The following ROBO2 variants were observed in gnomAD, a reference collection of about 807,000 sequenced individuals.
ROBO2 encodes roundabout homolog 2.
In ROBO2, 53 loss-of-function variants were observed where a neutral mutation model predicts 160.8. The observed-to-expected ratio is 0.33, with a 90% confidence interval of 0.26 to 0.41. The LOEUF is 0.41. Among genes scored for constraint, ROBO2 ranks in the 10% least tolerant of loss-of-function variants. The pLI, the probability that ROBO2 is intolerant of heterozygous loss-of-function variation, is 1.00. For missense variants in ROBO2, 1,577 were observed against 1,722.4 expected (o/e 0.92, Z 1.49); for synonymous variants, 664 against 611.7 (o/e 1.09, Z -1.26).
intron 2 of ROBO2, among the ~76,000 whole-genome samples, chr3:76,141,286 A>T (rs2106763820): frequency 6.8e-6 from 1 of 146,900 alleles, no homozygotes; most frequent in South Asian, 2.1e-4. Context: ...AGCCAATTTG[A>T]ATCTTAAAAA....
chr3:77,185,190 A>G (rs1435173753), intron 2 of ROBO2, among the ~76,000 whole-genome samples: 1 of 152,006 alleles, frequency 6.6e-6, no homozygotes, highest in Non-Finnish European at 1.5e-5. Context: ...TTGAAAGATA[A>G]TGACTTCATT....
intron 2 of ROBO2, among the ~76,000 whole-genome samples, chr3:77,199,563 A>G (rs760331756): frequency 3.0e-4 from 46 of 151,108 alleles, no homozygotes; most frequent in Non-Finnish European, 5.3e-4. Flanking sequence ...TGATTCATCT[A>G]TTCATAGCGG....
chr3:77,057,802 C>G (rs1023562654), intron 1 of ROBO2, among the ~76,000 whole-genome samples: 2 of 151,822 alleles, frequency 1.3e-5, no homozygotes, highest in African/African-American at 4.8e-5. Flanking sequence ...ATCTCCTGAC[C>G]TCGTGATCCA....
At chr3:77,612,919 C>A (rs1328514055) in intron 21 of ROBO2, among the ~76,000 whole-genome samples, 1 of 151,818 alleles carries the variant, frequency 6.6e-6, no homozygotes, top group African/African-American at 2.4e-5. Flanking sequence ...CGCCACTGCA[C>A]TCCAGCCTGG....
At chr3:76,452,853 T>G (rs545339458) in intron 2 of ROBO2, among the ~76,000 whole-genome samples, 2,729 of 152,174 alleles carry the variant, frequency 0.018, 51 homozygotes, top group African/African-American at 0.062. Context: ...CCTGACTTTT[T>G]AATGATCGCC....
At position 77,293,208 on chromosome 3, in the gene ROBO2, C is replaced by T. The variant is rs373219480; in HGVS notation, c.389-184206C>T. 1.8e-4 allele frequency among the ~76,000 whole-genome samples: 25 copies of T among 139,394 alleles called. No individual in the cohort carries two copies. In the East Asian group the frequency reaches 2.0e-3, roughly 11 times the overall value. The allele number at this position is 139,394 out of a possible 152,430, so 91.4% of individuals were successfully genotyped here. The stretch of plus-strand genomic sequence containing the variant: ...ACATAAAGTAAAATTGACGGTTAAA[C>T]GGGTAAGCTGAGGCTAGATCACCCC... On this transcript the variant is annotated intron_variant, in intron 2 of 25. Coordinates refer to ENST00000461745, the Ensembl canonical transcript of ROBO2.
chr3:76,769,856 A>T (rs2061782882), intron 2 of ROBO2, among the ~76,000 whole-genome samples: 1 of 151,370 alleles, frequency 6.6e-6, no homozygotes, highest in Non-Finnish European at 1.5e-5. Flanking sequence ...TTGATAATTT[A>T]TTCTTGCTCA....
At chr3:76,243,878 C>T (rs1705455729) in intron 2 of ROBO2, among the ~76,000 whole-genome samples, 1 of 152,038 alleles carries the variant, frequency 6.6e-6, no homozygotes, top group Non-Finnish European at 1.5e-5. Flanking sequence ...TTTATTCATA[C>T]AGTATAGTTC....
chr3:76,712,767 A>C (rs1560427319), intron 2 of ROBO2, among the ~76,000 whole-genome samples: 1 of 151,996 alleles, frequency 6.6e-6, no homozygotes, highest in African/African-American at 2.4e-5. Context: ...CTATAAAATC[A>C]TTTTCGCCAG....
intron 2 of ROBO2, among the ~76,000 whole-genome samples, chr3:76,869,214 TA>T (rs2071707164): frequency 6.6e-6 from 1 of 152,152 alleles, no homozygotes; most frequent in Non-Finnish European, 1.5e-5. Flanking sequence ...AACCATTGGG[TA>T]AACTACCTCT....
In ROBO2 at chr3:76,191,353, G is replaced by A. The variant is rs376031765; in HGVS notation, c.109+253751G>A. 8.6e-5 allele frequency among the ~76,000 whole-genome samples: 13 copies of A among 151,880 alleles called. No homozygotes were observed. In the East Asian group the frequency reaches 1.8e-3, roughly 20 times the overall value. ...TCTCAATGACAGGTTTATTCTCAAC[G>A]ACAGCTGACCTACACCAGGTAAATA... is the stretch of plus-strand genomic sequence containing the variant. On this transcript the variant is annotated intron_variant, in intron 2 of 26. Coordinates refer to the ROBO2 transcript ENST00000487694.
intron 2 of ROBO2, among the ~76,000 whole-genome samples, chr3:76,958,732 C>G (rs2079453129): frequency 6.6e-6 from 1 of 152,132 alleles, no homozygotes; most frequent in South Asian, 2.1e-4. Context: ...CAGGTTTTGT[C>G]CACATGGTCA....
intron 2 of ROBO2, among the ~76,000 whole-genome samples, chr3:76,404,102 A>G (rs1275137288): frequency 6.6e-6 from 1 of 151,660 alleles, no homozygotes; most frequent in East Asian, 1.9e-4. Flanking sequence ...CACATATGCA[A>G]TGCTTAATTT....
chr3:76,105,038 AAGCAAGAGACCT>A (rs1249858895), intron 2 of ROBO2, among the ~76,000 whole-genome samples: 1 of 152,168 alleles, frequency 6.6e-6, no homozygotes. Context: ...GTAAAGAGAA[AAGCAAGAGACCT>A]AGCCTTTAGG....
intron 2 of ROBO2, among the ~76,000 whole-genome samples, chr3:76,133,047 G>C (rs1469348710): frequency 1.3e-5 from 2 of 151,998 alleles, no homozygotes; most frequent in Non-Finnish European, 2.9e-5. Flanking sequence ...TTCTATATTT[G>C]TCAAATATAT....
intron 2 of ROBO2, among the ~76,000 whole-genome samples, chr3:76,786,627 G>C (rs915495912): frequency 1.3e-5 from 2 of 151,270 alleles, no homozygotes; most frequent in Non-Finnish European, 3.0e-5. Context: ...CAACATTGCG[G>C]ATTACAATAA....
At chr3:76,105,596 A>C (rs924309199) in intron 2 of ROBO2, among the ~76,000 whole-genome samples, 1 of 152,154 alleles carries the variant, frequency 6.6e-6, no homozygotes, top group Non-Finnish European at 1.5e-5. Context: ...AGTCAGGTGG[A>C]TACAGATATC....
chr3:76,441,045 C>T (rs1467298997), intron 2 of ROBO2, among the ~76,000 whole-genome samples: 1 of 152,026 alleles, frequency 6.6e-6, no homozygotes, highest in Non-Finnish European at 1.5e-5. Flanking sequence ...ATTCAATGGG[C>T]TTGATAAATA....
At chr3:75,908,170 TC>T (rs1352191575) in intron 1 of ROBO2, among the ~76,000 whole-genome samples, 1 of 152,172 alleles carries the variant, frequency 6.6e-6, no homozygotes, top group Non-Finnish European at 1.5e-5. Context: ...AATGTCAGAA[TC>T]AAAATTCAGG....
Sources: allele counts gnomAD v4.1 joint callset (sites outside exome capture counted in the v4.1 genomes callset), GRCh38; gene constraint gnomAD v4.1.1; transcripts MANE v1.5; gene names NCBI Gene and HGNC (gene_info 2026-07-23, HGNC 2026-07-21).